MYH1: variants seen among roughly 807,000 people sequenced by gnomAD.
The protein encoded by MYH1 is myosin-1.
MYH1 carries 214 observed loss-of-function variants against 225.6 expected under a neutral mutation model. That is an observed-to-expected ratio of 0.95 (90% CI 0.85 to 1.06). MYH1 has a LOEUF of 1.06. Among genes scored for constraint, MYH1 ranks in the 50% least tolerant of loss-of-function variants. The probability of loss-of-function intolerance (pLI) is 0.00; values close to 1 mark genes in which losing one functional copy is unlikely to be tolerated. For synonymous variants in MYH1, 774 were observed against 842.3 expected (o/e 0.92, Z 1.40); for missense variants, 2,098 against 2,344.2 (o/e 0.89, Z 2.17).
chr17:10,511,705 A>T, intron 14 of MYH1, 134 bp downstream of exon 14: 1 of 1,393,376 alleles, frequency 7.2e-7, no homozygotes, highest in Non-Finnish European at 1.0e-6. Context: ...GTGCTCTTTC[A>T]TGTGTCAGTT....
Position 10,494,433 on chromosome 17 carries a change from T to C in MYH1, c.5588A>G (p.Lys1863Arg), listed in dbSNP as rs762709228. Reference protein sequence around the residue: ...ELTYQTEEDRKNILRLQDLVD... With the variant: ...ELTYQTEEDRRNILRLQDLVD... ...CAGGTCCTGGAGCCTGAGAATATTC[T>C]TGCGGTCTTCCTCAGTCTGAAATAA... The change falls in exon 39 of 40, where the codon AAG becomes AGG. Residue 1863 changes from lysine (K) to arginine (R), a missense_variant. By Grantham distance (26) the Lys-to-Arg change is conservative. Transcript: ENST00000226207. 2.0e-5 allele frequency: 32 copies of C among 1,613,980 alleles called. No individual in the cohort carries two copies. The highest frequency in any genetic ancestry group is 2.4e-5 in the Non-Finnish European group (28 of 1,180,008).
In MYH1 at chr17:10,501,632, G is replaced by C. The variant is rs1393538691; in HGVS notation, c.3310C>G (p.Leu1104Val). The stretch of plus-strand genomic sequence containing the variant: ...ATTTTCTTCTGCAGCTGCATACCAA[G>C]GGCTTGTTCATCTTCAATCTTGCTT... ...LQSKIEDEQA[L>V]GMQLQKKIKE... The change falls in exon 26 of 40, where the codon CTT (leucine) becomes GTT (valine). Residue 1104 changes from leucine (L) to valine (V), a missense_variant. Physicochemically the swap from Leu to Val is conservative, Grantham distance 32. Coordinates refer to ENST00000226207, the MANE Select transcript of MYH1 (RefSeq NM_005963.4). 6.2e-7 allele frequency: 1 copy of C among 1,614,158 alleles called. No homozygotes were observed. Among genetic ancestry groups the C allele is most frequent in the Admixed American group, 1.7e-5 (1 of 60,022 alleles).
At chr17:10,505,697 A>AAGTG in intron 19 of MYH1, 115 bp downstream of exon 19, 1 of 1,443,276 alleles carries the variant, frequency 6.9e-7, no homozygotes, top group Non-Finnish European at 9.4e-7. Context: ...GGAGTTTGTT[A>AAGTG]AGTGAGTTTA....
rs2073173580 is a variant in MYH1 at position 10,511,941 on chromosome 17, CATCTTAT to C, written c.1307_1313del (p.Asp436GlyfsTer145). ...TGATGCGGGTGACCATCCACAAGAA[CATCTTAT>C]CGTAGACAGCTTTGGCCAGAGCACC... is the stretch of plus-strand genomic sequence containing the variant. On this transcript the variant is annotated frameshift_variant, in exon 14 of 40. Transcript: ENST00000226207. LOFTEE classifies it high-confidence loss of function. 1.2e-6 allele frequency: 2 copies of C among 1,614,060 alleles called. No individual in the cohort carries two copies. The highest frequency in any genetic ancestry group is 1.7e-5 in the Admixed American group (1 of 60,000).
At chr17:10,510,505 C>T (rs2073160096) in intron 14 of MYH1, among the ~76,000 whole-genome samples, 1 of 152,118 alleles carries the variant, frequency 6.6e-6, no homozygotes, top group African/African-American at 2.4e-5. Context: ...ATTTTGATGC[C>T]AGAGCCAGTG....
intron 16 of MYH1, 144 bp downstream of exon 16, chr17:10,508,219 A>G: frequency 1.0e-6 from 1 of 961,064 alleles, no homozygotes; most frequent in Non-Finnish European, 1.5e-6. Context: ...GGGTTTTGCT[A>G]TGTTGACCGG....
In MYH1 at chr17:10,507,856, C is replaced by T. The variant is rs2073128676; in HGVS notation, c.1968+30G>A. ...ATAGAGTACATTTAATATCCTAAAT[C>T]TAATTAGACAGAGAAAATGAAGTTT... On this transcript the variant is annotated intron_variant, in intron 17 of 39. Coordinates refer to ENST00000226207, the MANE Select transcript of MYH1 (RefSeq NM_005963.4). 3 of 1,580,620 alleles carry T rather than the reference C, an allele frequency of 1.9e-6. No individual in the cohort carries two copies. The East Asian group carries it at 6.7e-5, about 35-fold the overall frequency.
Position 10,508,636 on chromosome 17 carries a change from T to C in MYH1, c.1624A>G (p.Met542Val). 1 of 1,614,142 alleles carries C rather than the reference T, an allele frequency of 6.2e-7. No homozygotes were observed. Among genetic ancestry groups the C allele is most frequent in the South Asian group, 1.1e-5 (1 of 91,078 alleles). Residue 542 changes from methionine to valine, a missense_variant, in exon 16 of 40, where the codon ATG (methionine) becomes GTG (valine). By Grantham distance (21) the Met-to-Val change is conservative. Coordinates refer to ENST00000226207, the MANE Select transcript of MYH1 (RefSeq NM_005963.4). The part of the protein sequence containing the change: ...GIFSILEEEC[M>V]FPKATDTSFK... ...GAGGTGTCTGTCGCCTTGGGGAACA[T>C]GCACTCCTCTTCCAGGATGGAGAAG...
intron 22 of MYH1, among the ~76,000 whole-genome samples, chr17:10,504,237 A>C (rs926250929): frequency 1.3e-5 from 2 of 152,220 alleles, no homozygotes; most frequent in Non-Finnish European, 2.9e-5. Flanking sequence ...CATTAGAATA[A>C]GAATATCAAC....
Position 10,516,001 on chromosome 17 carries a change from G to T in MYH1, c.430C>A (p.Arg144=), listed in dbSNP as rs757334606. 6 of 1,613,960 alleles carry T rather than the reference G, an allele frequency of 3.7e-6. No individual in the cohort carries two copies. The highest frequency in any genetic ancestry group is 5.1e-6 in the Non-Finnish European group (6 of 1,180,008). The change falls in exon 5 of 40, where the codon CGA becomes AGA. Residue 144 remains arginine (R), a synonymous_variant. Transcript: ENST00000226207. ...VYNAEVVTAY[R]GKKRQEAPPH... ...GGGGCCTCCTGGCGCTTTTTGCCTC[G>T]GTAGGCTGTCACCACCTCTGCATTA...
intron 37 of MYH1, 92 bp downstream of exon 37, chr17:10,494,839 A>G (rs548767818): frequency 1.2e-6 from 2 of 1,607,852 alleles, no homozygotes; most frequent in Admixed American, 1.7e-5. Context: ...CCCTCATCTC[A>G]GTATGCCCCA....
chr17:10,504,859 A>G lies in MYH1; in HGVS notation c.2642T>C (p.Met881Thr), dbSNP rs770179644. 6.2e-7 allele frequency: 1 copy of G among 1,613,958 alleles called. No homozygotes were observed. The change falls in exon 22 of 40, where the codon ATG (methionine) becomes ACG (threonine). Residue 881 changes from methionine to threonine, a missense_variant. By Grantham distance (81) the Met-to-Thr change is moderately conservative. Transcript: ENST00000226207. ...EAKRKELEEK[M>T]VTLMQEKNDL... ...ATTTTTTTCTTGCATCAGAGTAACC[A>G]TTTTTTCTTCCAGCTCTTTCCTTTT...
Position 10,494,425 on chromosome 17 carries a change from G to A in MYH1, c.5596C>T (p.Leu1866Phe), listed in dbSNP as rs769987342. 5 of 1,614,026 alleles carry A rather than the reference G, an allele frequency of 3.1e-6. No individual in the cohort carries two copies. The highest frequency in any genetic ancestry group is 2.5e-6 in the Non-Finnish European group (3 of 1,180,042). The change falls in exon 39 of 40, where the codon CTC (leucine) becomes TTC (phenylalanine). Residue 1866 changes from leucine to phenylalanine, a missense_variant. By Grantham distance (22) the Leu-to-Phe change is conservative (BLOSUM62 0). Transcript: ENST00000226207. ...YQTEEDRKNI[L>F]RLQDLVDKLQ... Reference sequence around the variant, plus strand: ...TTGTCCACCAGGTCCTGGAGCCTGAGAATATTCTTGCGGTCTTCCTCAGTC... The same window carrying A: ...TTGTCCACCAGGTCCTGGAGCCTGAAAATATTCTTGCGGTCTTCCTCAGTC...
At chr17:10,501,999 C>A in intron 24 of MYH1, 88 bp from the exon 25 acceptor site, 1 of 1,310,274 alleles carries the variant, frequency 7.6e-7, no homozygotes, top group Non-Finnish European at 1.0e-6. Context: ...ATCTATGCAG[C>A]AAACTATTTT....
At chr17:10,507,803 T>C in intron 17 of MYH1, 83 bp downstream of exon 17, 1 of 1,163,908 alleles carries the variant, frequency 8.6e-7, no homozygotes, top group Non-Finnish European at 1.3e-6. Context: ...TCTAGAATCC[T>C]TGCAAGGTTA....
chr17:10,516,148 CA>C (rs1205710300), intron 4 of MYH1, 50 bp downstream of exon 4: 3 of 1,613,154 alleles, frequency 1.9e-6, no homozygotes, highest in South Asian at 2.2e-5. Context: ...TACTACTTTT[CA>C]AAAACTATTA....
chr17:10,504,740 A>G, intron 22 of MYH1, 70 bp downstream of exon 22: 1 of 1,537,966 alleles, frequency 6.5e-7, no homozygotes, highest in Non-Finnish European at 8.9e-7. Context: ...TAGAATCTAG[A>G]TCTCTCCTTA....
chr17:10,506,371 G>A (rs189723666), intron 17 of MYH1, among the ~76,000 whole-genome samples: 60 of 152,220 alleles, frequency 3.9e-4, no homozygotes, highest in African/African-American at 1.3e-3. Flanking sequence ...AATTCACTAT[G>A]ACACTCTAAA....
chr17:10,494,546 C>G, intron 38 of MYH1, 23 bp downstream of exon 38: 1 of 1,612,878 alleles, frequency 6.2e-7, no homozygotes, highest in Non-Finnish European at 8.5e-7. Flanking sequence ...AAAGTGAAAA[C>G]CTAGACAGGC....
Sources: allele counts gnomAD v4.1 joint callset (sites outside exome capture counted in the v4.1 genomes callset), GRCh38; gene constraint gnomAD v4.1.1; transcripts MANE v1.5; gene names NCBI Gene and HGNC (gene_info 2026-07-23, HGNC 2026-07-21).